Variants in RASAL2 observed in about 807,000 individuals in gnomAD.
RASAL2 encodes ras GTPase-activating protein nGAP.
RASAL2 carries 58 observed loss-of-function variants against 128.9 expected under a neutral mutation model. That is an observed-to-expected ratio of 0.45 (90% CI 0.36 to 0.56). The LOEUF (loss-of-function observed/expected upper bound fraction) is 0.56. Ranked by LOEUF, RASAL2 falls within the 20% of genes least tolerant of loss-of-function variation. The pLI, the probability that RASAL2 is intolerant of heterozygous loss-of-function variation, is 0.00. For missense variants in RASAL2, 1,360 were observed against 1,601.6 expected, an observed-to-expected ratio of 0.85 and a Z score of 2.57; for synonymous variants, 561 against 580.8, an observed-to-expected ratio of 0.97 and a Z score of 0.49.
chr1:178,475,018 C>T lies in RASAL2; in HGVS notation c.*1779C>T, dbSNP rs546352274. On this transcript the variant is annotated 3_prime_UTR_variant, in exon 18 of 18. Transcript: ENST00000367649. ...TATAGTGCCCTCTTTTGAGTGATGCCGACAGACACCAAGCCCTCCTTTTCA... is the reference window on the plus strand; with the variant it reads ...TATAGTGCCCTCTTTTGAGTGATGCTGACAGACACCAAGCCCTCCTTTTCA... The T allele has an allele frequency of 7.2e-5, 11 of 152,128 alleles. No individual in the cohort carries two copies. The highest frequency in any genetic ancestry group is 5.8e-4 in the East Asian group (3 of 5,172). 9.4% of individuals were successfully genotyped at this position (152,128 alleles called of 1,614,324 possible).
chr1:178,354,561 A>G (rs556072452), intron 3 of RASAL2, among the ~76,000 whole-genome samples: 14 of 152,346 alleles, frequency 9.2e-5, no homozygotes, highest in Non-Finnish European at 1.8e-4. Context: ...TTAAAACTTC[A>G]CAAGTGATGT....
intron 4 of RASAL2, among the ~76,000 whole-genome samples, chr1:178,404,254 A>G (rs1262118850): frequency 6.6e-6 from 1 of 152,008 alleles, no homozygotes; most frequent in Non-Finnish European, 1.5e-5. Context: ...ATTAAGGGAC[A>G]AGTGACTAAG....
intron 2 of RASAL2, among the ~76,000 whole-genome samples, chr1:178,289,379 A>G (rs1281733519): frequency 6.6e-6 from 1 of 151,914 alleles, no homozygotes; most frequent in Non-Finnish European, 1.5e-5. Context: ...GCGCCATGGG[A>G]CCTTATTTCC....
chr1:178,325,668 G>C (rs189899751), intron 3 of RASAL2, among the ~76,000 whole-genome samples: 12 of 152,360 alleles, frequency 7.9e-5, no homozygotes, highest in Admixed American at 7.8e-4. Context: ...GTGGTAGATA[G>C]GCTCCCTGAA....
intron 1 of RASAL2, among the ~76,000 whole-genome samples, chr1:178,206,109 G>T (rs766438635): frequency 1.3e-4 from 20 of 151,976 alleles, no homozygotes; most frequent in Non-Finnish European, 1.9e-4. Flanking sequence ...TATTTATCTT[G>T]CTCTGTGTAC....
chr1:178,129,740 T>A (rs1660032956), intron 1 of RASAL2, among the ~76,000 whole-genome samples: 1 of 152,134 alleles, frequency 6.6e-6, no homozygotes, highest in African/African-American at 2.4e-5. Flanking sequence ...CCATTTAAGT[T>A]AATTTTTGTG....
intron 17 of RASAL2, 136 bp from the exon 18 acceptor site, chr1:178,472,939 G>T: frequency 1.0e-6 from 1 of 974,104 alleles, no homozygotes; most frequent in Non-Finnish European, 1.5e-6. Context: ...GCAGAAAGAG[G>T]CAGAGACGTT....
intron 1 of RASAL2, among the ~76,000 whole-genome samples, chr1:178,152,459 A>T (rs1660944504): frequency 6.6e-6 from 1 of 152,166 alleles, no homozygotes; most frequent in Admixed American, 6.5e-5. Flanking sequence ...CCTGATTTAT[A>T]GCTGGTCAGT....
intron 1 of RASAL2, among the ~76,000 whole-genome samples, chr1:178,218,023 G>A (rs972837807): frequency 3.3e-5 from 5 of 152,116 alleles, no homozygotes; most frequent in East Asian, 1.9e-4. Context: ...TCAAGAAGCC[G>A]CTTTCTTTGC....
chr1:178,438,889 G>GTGTGTGTA (rs1676436107), intron 5 of RASAL2, among the ~76,000 whole-genome samples: 1 of 128,992 alleles, frequency 7.8e-6, no homozygotes, highest in Admixed American at 7.4e-5. Context: ...CTCTGTGTGT[G>GTGTGTGTA]TGTGTGTGTG....
intron 2 of RASAL2, 78 bp downstream of exon 2, chr1:178,283,769 T>C: frequency 6.4e-7 from 1 of 1,550,618 alleles, no homozygotes; most frequent in Non-Finnish European, 8.8e-7. Flanking sequence ...TTGTTTGCAT[T>C]TTGAAAAGTT....
At chr1:178,364,189 A>G (rs1156993458) in intron 3 of RASAL2, among the ~76,000 whole-genome samples, 1 of 152,090 alleles carries the variant, frequency 6.6e-6, no homozygotes, top group Non-Finnish European at 1.5e-5. Flanking sequence ...ACTCTGTTGT[A>G]GTGTCTCAGA....
intron 1 of RASAL2, among the ~76,000 whole-genome samples, chr1:178,272,329 T>C (rs1362493804): frequency 6.6e-6 from 1 of 152,222 alleles, no homozygotes; most frequent in Non-Finnish European, 1.5e-5. Context: ...ATAGCTATGC[T>C]AGGTGTGTCA....
chr1:178,382,002 AT>A (rs1453686906), intron 3 of RASAL2, among the ~76,000 whole-genome samples: 1 of 152,166 alleles, frequency 6.6e-6, no homozygotes, highest in Non-Finnish European at 1.5e-5. Context: ...CAAAATAGTC[AT>A]TTTATGCTGA....
intron 1 of RASAL2, among the ~76,000 whole-genome samples, chr1:178,257,849 A>AG (rs1396804331): frequency 6.7e-6 from 1 of 150,246 alleles, no homozygotes; most frequent in Non-Finnish European, 1.5e-5. Flanking sequence ...TCAAAAAAGA[A>AG]AAAAAAAAAA....
At chr1:178,150,683 T>C (rs1273793743) in intron 1 of RASAL2, among the ~76,000 whole-genome samples, 1 of 151,944 alleles carries the variant, frequency 6.6e-6, no homozygotes, top group African/African-American at 2.4e-5. Flanking sequence ...TCATTATTCA[T>C]CATTATTCAT....
chr1:178,348,012 C>A (rs1258181843), intron 3 of RASAL2, among the ~76,000 whole-genome samples: 1 of 152,170 alleles, frequency 6.6e-6, no homozygotes, highest in Non-Finnish European at 1.5e-5. Context: ...ATGCATGAAC[C>A]TCACAAATGT....
At chr1:178,165,366 C>T (rs1427168532) in intron 1 of RASAL2, among the ~76,000 whole-genome samples, 1 of 152,076 alleles carries the variant, frequency 6.6e-6, no homozygotes, top group Non-Finnish European at 1.5e-5. Context: ...TTTTTCTTGT[C>T]ATTATTCCCT....
intron 4 of RASAL2, among the ~76,000 whole-genome samples, chr1:178,401,312 C>G (rs1007094647): frequency 6.6e-6 from 1 of 152,090 alleles, no homozygotes; most frequent in Non-Finnish European, 1.5e-5. Flanking sequence ...TACAATAAAT[C>G]TATTAAGTGA....
Sources: gnomAD v4.1 joint callset for allele counts (sites outside exome capture counted in the v4.1 genomes callset) on GRCh38, gnomAD v4.1.1 for gene constraint, MANE v1.5 for transcripts, NCBI Gene and HGNC (gene_info 2026-07-23, HGNC 2026-07-21) for gene names.